Variants in RHOBTB2 observed in about 807,000 individuals in gnomAD.
RHOBTB2 encodes rho-related BTB domain-containing protein 2.
RHOBTB2 carries 39 observed loss-of-function variants against 66.5 expected under a neutral mutation model. The observed-to-expected ratio is 0.59, with a 90% CI of 0.45 to 0.77. The LOEUF (loss-of-function observed/expected upper bound fraction) is 0.77. Ranked by LOEUF, RHOBTB2 falls within the 30% of genes least tolerant of loss-of-function variation. RHOBTB2 has a pLI of 0.00. For missense variants in RHOBTB2, 755 were observed against 999.1 expected, an observed-to-expected ratio of 0.76 and a Z score of 3.29; for synonymous variants, 390 against 395.0, an observed-to-expected ratio of 0.99 and a Z score of 0.15.
At position 23,004,318 on chromosome 8, in the gene RHOBTB2, G is replaced by T. The variant is rs1053178545; in HGVS notation, c.-10-107G>T. On this transcript the variant is annotated intron_variant, in intron 1 of 9. Transcript: ENST00000251822. The surrounding 1 kb of genome is among the most constrained non-coding windows in gnomAD (Gnocchi z 6.4). ...TCCTTCCTCCTCCTGTCAGCTCCGGGGCTTGCAGAGGGGGCAGCCTGGCTG... is the reference window on the plus strand; with the variant it reads ...TCCTTCCTCCTCCTGTCAGCTCCGGTGCTTGCAGAGGGGGCAGCCTGGCTG... The T allele has an allele frequency of 3.1e-5, 29 of 929,114 alleles. No homozygotes were observed. The highest frequency in any genetic ancestry group is 4.3e-5 in the Non-Finnish European group (25 of 583,996). The allele number at this position is 929,114 out of a possible 1,614,324, so 57.6% of individuals were successfully genotyped here. A position where few individuals can be genotyped will look rare whatever the true frequency, so the allele number is the denominator to read the frequency against.
Position 23,014,674 on chromosome 8 carries a change from G to A in RHOBTB2, c.1772-16G>A, listed in dbSNP as rs1811239582. 6.2e-7 allele frequency: 1 copy of A among 1,611,370 alleles called. No homozygotes were observed. Among genetic ancestry groups the A allele is most frequent in the Non-Finnish European group, 8.5e-7 (1 of 1,177,658 alleles). On this transcript the variant is annotated splice_polypyrimidine_tract_variant and intron_variant, in intron 7 of 9. Transcript: ENST00000251822. ...CATGTGCTTCTTCAGCTGATTGGTG[G>A]CCGTGTGTGTTACAGAGCAGTACAC...
At position 23,007,477 on chromosome 8, in the gene RHOBTB2, T is replaced by C. The variant is rs1811004954; in HGVS notation, c.1232T>C (p.Leu411Pro). The C allele has an allele frequency of 6.2e-7, 1 of 1,614,150 alleles. No homozygotes were observed. The highest frequency in any genetic ancestry group is 1.1e-5 in the South Asian group (1 of 91,082). The change falls in exon 5 of 10, where the codon CTG becomes CCG. Residue 411 changes from leucine (L) to proline (P), a missense_variant. By Grantham distance (98) the Leu-to-Pro change is moderately conservative (BLOSUM62 -3). Coordinates refer to ENST00000251822, the MANE Select transcript of RHOBTB2 (RefSeq NM_015178.3). Reference sequence around the variant, plus strand: ...GATCCTCTCACCTACAAATCCCGGCTGATGGTGGTGGTGAAGATGGACAGT... The same window carrying C: ...GATCCTCTCACCTACAAATCCCGGCCGATGGTGGTGGTGAAGATGGACAGT... Reference protein sequence around the residue: ...AEDPLTYKSRLMVVVKMDSSI... With the variant: ...AEDPLTYKSRPMVVVKMDSSI...
At chr8:23,012,939 G>A (rs934657701) in intron 7 of RHOBTB2, among the ~76,000 whole-genome samples, 11 of 152,114 alleles carry the variant, frequency 7.2e-5, no homozygotes, top group African/African-American at 2.7e-4. Context: ...GAGTAGCTGG[G>A]ACTACAGGCA....
intron 5 of RHOBTB2, 72 bp downstream of exon 5, chr8:23,007,818 CTG>C: frequency 6.4e-7 from 1 of 1,566,042 alleles, no homozygotes; most frequent in Non-Finnish European, 8.7e-7. Flanking sequence ...GTCTCAGCTC[CTG>C]GTGTCCTGGA....
At chr8:22,989,796 T>C (rs1810380096) in intron 1 of RHOBTB2, among the ~76,000 whole-genome samples, 1 of 152,166 alleles carries the variant, frequency 6.6e-6, no homozygotes, top group African/African-American at 2.4e-5. Context: ...ACATTAAGCA[T>C]AACGTGCTAG....
At chr8:23,007,936 G>A (rs1455338237) in intron 5 of RHOBTB2, 57 bp from the exon 6 acceptor site, 4 of 1,556,062 alleles carry the variant, frequency 2.6e-6, no homozygotes, top group Non-Finnish European at 3.5e-6. Flanking sequence ...GGCTCCCCTT[G>A]GGGCTTGTTC....
intron 1 of RHOBTB2, among the ~76,000 whole-genome samples, chr8:23,002,639 G>A (rs1416607314): frequency 9.2e-5 from 14 of 152,270 alleles, no homozygotes; most frequent in African/African-American, 3.1e-4. Context: ...GCAGTGAGCC[G>A]AGATCATGCC....
At chr8:22,967,797 G>A in the RHOBTB2 span, among the ~76,000 whole-genome samples, 3 of 151,994 alleles carry the variant, frequency 2.0e-5, no homozygotes, top group African/African-American at 7.2e-5. Context: ...GAGATGGATG[G>A]TGGGGATGGT....
At chr8:22,964,750 C>A in the RHOBTB2 span, among the ~76,000 whole-genome samples, 1,123 of 151,674 alleles carry the variant, frequency 7.4e-3, 9 homozygotes, top group South Asian at 0.014. Context: ...TTTGAAATAC[C>A]CAAACTAAGC....
At chr8:23,005,319 A>G in intron 2 of RHOBTB2, 53 bp from the exon 3 acceptor site, 1 of 1,365,086 alleles carries the variant, frequency 7.3e-7, no homozygotes, top group Non-Finnish European at 1.0e-6. Context: ...GGTGGCACGC[A>G]GAGGTCCCCA....
the RHOBTB2 span, among the ~76,000 whole-genome samples, chr8:22,951,403 G>A: frequency 6.6e-6 from 1 of 151,986 alleles, no homozygotes; most frequent in South Asian, 2.1e-4. Flanking sequence ...CATGTAAAGA[G>A]TCCACCAAGC....
the RHOBTB2 span, among the ~76,000 whole-genome samples, chr8:22,963,058 G>C: frequency 4.6e-5 from 7 of 152,312 alleles, no homozygotes; most frequent in African/African-American, 1.7e-4. Flanking sequence ...TGGGCCCATT[G>C]CCCACTAGAG....
At chr8:22,971,266 C>A in the RHOBTB2 span, among the ~76,000 whole-genome samples, 1 of 151,728 alleles carries the variant, frequency 6.6e-6, no homozygotes, top group Non-Finnish European at 1.5e-5. Context: ...CTCACTGCAG[C>A]CTTGAACTCC....
rs1810881676 is a variant in RHOBTB2 at position 23,004,359 on chromosome 8, G to GCTGGCC, written c.-10-58_-10-53dup. 29 of 1,380,540 alleles carry GCTGGCC rather than the reference G, an allele frequency of 2.1e-5. No individual in the cohort carries two copies. The South Asian group carries it at 3.2e-4, about 15-fold the overall frequency. 85.5% of individuals were successfully genotyped at this position (1,380,540 alleles called of 1,614,324 possible). A position where few individuals can be genotyped will look rare whatever the true frequency, so the allele number is the denominator to read the frequency against. ...AGCCTGGCTGAGGAGAGCTGCGGGT[G>GCTGGCC]CTGGCCCTGGCCCACGGCGAGCTGG... On this transcript the variant is annotated intron_variant, in intron 1 of 9. Transcript: ENST00000251822. The surrounding 1 kb of genome is among the most constrained non-coding windows in gnomAD (Gnocchi z 6.4).
At chr8:22,987,364 C>T (rs1810307616), upstream of RHOBTB2, 1 of 152,462 alleles carries the variant, frequency 6.6e-6, no homozygotes, top group African/African-American at 2.4e-5. Context: ...TTGCACAGCC[C>T]TGGAGGAGGA....
the RHOBTB2 span, among the ~76,000 whole-genome samples, chr8:22,963,485 T>C: frequency 6.6e-6 from 1 of 151,250 alleles, no homozygotes; most frequent in South Asian, 2.1e-4. Flanking sequence ...AGTTTCCCAA[T>C]ACAATTTACA....
chr8:22,979,027 T>C, the RHOBTB2 span, among the ~76,000 whole-genome samples: 1 of 152,246 alleles, frequency 6.6e-6, no homozygotes, highest in Non-Finnish European at 1.5e-5. Flanking sequence ...TTATTTAACA[T>C]ACCAAGTTGC....
Position 23,017,578 on chromosome 8 carries a change from A to G in RHOBTB2, c.*109A>G. The G allele has an allele frequency of 6.8e-7, 1 of 1,478,776 alleles. No homozygotes were observed. The highest frequency in any genetic ancestry group is 9.1e-7 in the Non-Finnish European group (1 of 1,102,386). The allele number at this position is 1,478,776 out of a possible 1,614,324, so 91.6% of individuals were successfully genotyped here. A position where few individuals can be genotyped will look rare whatever the true frequency, so the allele number is the denominator to read the frequency against. ...TTACAGGGACCAGGGGGCCCACGTA[A>G]CCAGGACCCAGAGGGTGGAGCTCTT... On this transcript the variant is annotated 3_prime_UTR_variant, in exon 10 of 10. Transcript: ENST00000251822. The surrounding 1 kb of genome is among the most constrained non-coding windows in gnomAD (Gnocchi z 5.3).
At chr8:22,994,562 A>G, upstream of RHOBTB2, 1 of 1,548,882 alleles carries the variant, frequency 6.5e-7, no homozygotes, top group Non-Finnish European at 8.7e-7. Context: ...CACAACCAGG[A>G]GCCTGGAGGG....
Sources: gnomAD v4.1 joint callset for allele counts (sites outside exome capture counted in the v4.1 genomes callset) on GRCh38, gnomAD v4.1.1 for gene constraint, Gnocchi (gnomAD v3.1) non-coding constraint, MANE v1.5 for transcripts, NCBI Gene and HGNC (gene_info 2026-07-23, HGNC 2026-07-21) for gene names.